The following RBFOX1 variants were observed in gnomAD, a reference collection of about 807,000 sequenced individuals.
The protein encoded by RBFOX1 is RNA binding protein fox-1 homolog 1.
In RBFOX1, 8 loss-of-function variants were observed where a neutral mutation model predicts 57.7. The observed-to-expected ratio is 0.14, with a 90% CI of 0.08 to 0.25. RBFOX1 has a LOEUF of 0.25. Among genes scored for constraint, RBFOX1 ranks in the 10% least tolerant of loss-of-function variants. The probability of loss-of-function intolerance (pLI) is 1.00; values close to 1 mark genes in which losing one functional copy is unlikely to be tolerated. For synonymous variants in RBFOX1, 326 were observed against 222.4 expected (o/e 1.47, Z -4.15); for missense variants, 611 against 548.5 (o/e 1.11, Z -1.14).
intron 4 of RBFOX1, among the ~76,000 whole-genome samples, chr16:7,515,701 C>T (rs977349713): frequency 3.3e-5 from 5 of 152,124 alleles, no homozygotes; most frequent in African/African-American, 7.2e-5. Flanking sequence ...GTGCTGACTG[C>T]GGGTAAAGCT....
intron 4 of RBFOX1, among the ~76,000 whole-genome samples, chr16:7,217,936 G>A (rs1466719253): frequency 6.6e-6 from 1 of 151,292 alleles, no homozygotes; most frequent in Admixed American, 6.6e-5. Context: ...GTGTGTGCGT[G>A]CATGTGTGTG....
At chr16:6,953,936 C>T (rs981376099) in intron 3 of RBFOX1, among the ~76,000 whole-genome samples, 2 of 152,254 alleles carry the variant, frequency 1.3e-5, no homozygotes, top group Middle Eastern at 3.4e-3. Flanking sequence ...TCTTTCCTGA[C>T]AGAGGAGTAA....
chr16:5,876,542 C>T (rs1439747199), intron 4 of RBFOX1, among the ~76,000 whole-genome samples: 1 of 152,150 alleles, frequency 6.6e-6, no homozygotes, highest in African/African-American at 2.4e-5. Flanking sequence ...CATCTCTCCT[C>T]CTCTAAATTA....
intron 4 of RBFOX1, among the ~76,000 whole-genome samples, chr16:5,966,996 G>GT (rs2059857752): frequency 7.2e-6 from 1 of 138,368 alleles, no homozygotes; most frequent in Admixed American, 7.3e-5. Context: ...TAAATCGGGG[G>GT]GGGGGGGGTC....
intron 3 of RBFOX1, among the ~76,000 whole-genome samples, chr16:6,808,178 G>GTATATA (rs71145298): frequency 3.1e-4 from 45 of 145,544 alleles, no homozygotes; most frequent in African/African-American, 9.9e-4. Flanking sequence ...GTGTGTGTGT[G>GTATATA]TATATATATA....
intron 4 of RBFOX1, among the ~76,000 whole-genome samples, chr16:7,224,465 T>C (rs1214091382): frequency 6.6e-6 from 1 of 151,998 alleles, no homozygotes; most frequent in Non-Finnish European, 1.5e-5. Flanking sequence ...CTTCTCAGTC[T>C]TGGCTGCAAA....
chr16:7,390,630 G>A (rs774729279), intron 4 of RBFOX1, among the ~76,000 whole-genome samples: 9 of 152,160 alleles, frequency 5.9e-5, no homozygotes, highest in Admixed American at 1.3e-4. Context: ...GATCATTTTC[G>A]GATTGTGTGA....
chr16:7,122,592 G>A (rs1600156250), intron 4 of RBFOX1, among the ~76,000 whole-genome samples: 1 of 152,180 alleles, frequency 6.6e-6, no homozygotes, highest in African/African-American at 2.4e-5. Flanking sequence ...AGGATTCAGA[G>A]AAACTGGATT....
intron 3 of RBFOX1, among the ~76,000 whole-genome samples, chr16:5,801,930 C>T (rs1394097456): frequency 6.6e-6 from 1 of 152,094 alleles, no homozygotes; most frequent in East Asian, 1.9e-4. Flanking sequence ...AAGCGAATTC[C>T]CCTCTCCCCC....
intron 3 of RBFOX1, among the ~76,000 whole-genome samples, chr16:6,998,914 G>A (rs953479245): frequency 1.3e-5 from 2 of 151,714 alleles, no homozygotes; most frequent in South Asian, 2.1e-4. Flanking sequence ...TATCACCCAG[G>A]CTGGAGTGCA....
rs77686361 is a variant in RBFOX1 at position 6,569,524 on chromosome 16, C to G, written c.-63-85079C>G. 3.2e-3 allele frequency among the ~76,000 whole-genome samples: 490 copies of G among 152,318 alleles called. 14 individuals carry two copies. The East Asian group carries it at 0.069, about 21-fold the overall frequency. On this transcript the variant is annotated intron_variant, in intron 2 of 15. Coordinates refer to ENST00000550418, the MANE Select transcript of RBFOX1 (RefSeq NM_018723.4). ...ACTAGATGGAAGTGTCCTAGACAGACCTCTGAGACGAAGTCAGTCTAAACA... is the reference window on the plus strand; with the variant it reads ...ACTAGATGGAAGTGTCCTAGACAGAGCTCTGAGACGAAGTCAGTCTAAACA...
intron 3 of RBFOX1, among the ~76,000 whole-genome samples, chr16:6,756,105 A>G (rs1351955256): frequency 6.6e-6 from 1 of 152,194 alleles, no homozygotes; most frequent in African/African-American, 2.4e-5. Flanking sequence ...TTATTTGGTC[A>G]TTCATAGTAG....
chr16:5,520,272 C>G (rs1035919018), intron 2 of RBFOX1, among the ~76,000 whole-genome samples: 1 of 152,040 alleles, frequency 6.6e-6, no homozygotes, highest in African/African-American at 2.4e-5. Flanking sequence ...GAATTCCTAC[C>G]CATTAGAAAA....
chr16:6,835,704 A>C (rs1458710098), intron 3 of RBFOX1, among the ~76,000 whole-genome samples: 1 of 150,610 alleles, frequency 6.6e-6, no homozygotes, highest in Admixed American at 6.6e-5. Context: ...CAGTGAACCA[A>C]GATTGAGTCA....
intron 4 of RBFOX1, among the ~76,000 whole-genome samples, chr16:7,489,578 C>G (rs975306859): frequency 5.3e-5 from 8 of 151,924 alleles, no homozygotes; most frequent in Non-Finnish European, 1.2e-4. Context: ...TGCGGTGGTA[C>G]CATCATAGCT....
chr16:6,136,878 T>C lies in RBFOX1; in HGVS notation c.-127+116886T>C, dbSNP rs1347991858. On this transcript the variant is annotated intron_variant, in intron 1 of 15. Coordinates refer to ENST00000550418, the MANE Select transcript of RBFOX1 (RefSeq NM_018723.4). ...AAATAGTTGTGTTCCTTGGAAGCTA[T>C]TTCAGTTTTCTGAAATGATCATTTT... Among the ~76,000 whole-genome samples the C allele has an allele frequency of 2.6e-5, 4 of 152,208 alleles. No individual in the cohort carries two copies. In the East Asian group the frequency reaches 7.7e-4, roughly 29 times the overall value.
chr16:5,248,492 C>T (rs1484080751), intron 1 of RBFOX1, among the ~76,000 whole-genome samples: 2 of 152,204 alleles, frequency 1.3e-5, no homozygotes, highest in South Asian at 2.1e-4. Flanking sequence ...GCAGGTCACC[C>T]ACAGCCTAGC....
At chr16:6,332,336 GA>G (rs923953978) in intron 2 of RBFOX1, among the ~76,000 whole-genome samples, 11 of 152,140 alleles carry the variant, frequency 7.2e-5, no homozygotes, top group South Asian at 2.1e-4. Flanking sequence ...ACACTGGTGG[GA>G]AAAAATAATG....
chr16:6,226,937 CATCTCTACTAAAA>C (rs1405062950), intron 1 of RBFOX1, among the ~76,000 whole-genome samples: 2 of 147,758 alleles, frequency 1.4e-5, no homozygotes, highest in African/African-American at 5.1e-5. Context: ...GATGAAACCC[CATCTCTACTAAAA>C]AAAAAAAAAA....
Sources: gnomAD v4.1 joint callset for allele counts (sites outside exome capture counted in the v4.1 genomes callset) on GRCh38, gnomAD v4.1.1 for gene constraint, MANE v1.5 for transcripts, NCBI Gene and HGNC (gene_info 2026-07-23, HGNC 2026-07-21) for gene names.